The following ST8SIA1 variants were observed in gnomAD, a reference collection of about 807,000 sequenced individuals.
ST8SIA1 encodes the protein ST8 alpha-N-acetyl-neuraminide alpha-2,8-sialyltransferase 1, also known as alpha-N-acetylneuraminide alpha-2,8-sialyltransferase.
A neutral mutation model predicts 35.9 loss-of-function variants in ST8SIA1; 16 were observed. The ratio of observed to expected loss-of-function variants is 0.45; its 90% CI spans 0.30 to 0.68. The LOEUF (loss-of-function observed/expected upper bound fraction) is 0.68, where lower values mean the gene tolerates loss of function less well. ST8SIA1 is among the 30% of genes least tolerant of loss of function. The probability of loss-of-function intolerance (pLI) is 0.09; values close to 1 mark genes in which losing one functional copy is unlikely to be tolerated. For missense variants in ST8SIA1, 383 were observed against 453.6 expected, an observed-to-expected ratio of 0.84 and a Z score of 1.41; for synonymous variants, 170 against 169.6, an observed-to-expected ratio of 1.00 and a Z score of -0.02.
chr12:22,311,043 C>T (rs533796495), intron 1 of ST8SIA1, among the ~76,000 whole-genome samples: 30 of 152,210 alleles, frequency 2.0e-4, no homozygotes, highest in African/African-American at 7.0e-4. Flanking sequence ...CAATAAATCC[C>T]ATGTGCTCAA....
intron 2 of ST8SIA1, among the ~76,000 whole-genome samples, chr12:22,262,869 A>G (rs531127238): frequency 1.3e-5 from 2 of 152,226 alleles, no homozygotes; most frequent in Non-Finnish European, 2.9e-5. Context: ...GTTCTTTAAA[A>G]CCACTAAAGG....
chr12:22,262,075 G>A (rs1045536156), intron 2 of ST8SIA1, among the ~76,000 whole-genome samples: 4 of 152,148 alleles, frequency 2.6e-5, no homozygotes, highest in Non-Finnish European at 4.4e-5. Context: ...GCATATGAAA[G>A]TAGTTGAGAT....
intron 2 of ST8SIA1, among the ~76,000 whole-genome samples, chr12:22,278,355 T>C (rs1016441470): frequency 2.6e-5 from 4 of 152,206 alleles, no homozygotes; most frequent in Non-Finnish European, 4.4e-5. Context: ...ACAATCTCCA[T>C]GTCAGGCATC....
chr12:22,305,714 G>C (rs1266416039), intron 1 of ST8SIA1, among the ~76,000 whole-genome samples: 1 of 152,090 alleles, frequency 6.6e-6, no homozygotes, highest in Admixed American at 6.6e-5. Context: ...TATTGACCAA[G>C]CAATCTCATA....
At chr12:22,300,346 T>A (rs189464626) in intron 1 of ST8SIA1, among the ~76,000 whole-genome samples, 74 of 152,226 alleles carry the variant, frequency 4.9e-4, no homozygotes, top group Non-Finnish European at 7.6e-4. Context: ...GAGGTGGGTA[T>A]GTGAGATTGT....
intron 2 of ST8SIA1, among the ~76,000 whole-genome samples, chr12:22,277,520 C>T (rs957540312): frequency 7.2e-5 from 11 of 151,940 alleles, no homozygotes; most frequent in African/African-American, 2.7e-4. Flanking sequence ...GTGCCTGCCA[C>T]TACGCCCAGC....
At chr12:22,207,439 G>C (rs1464123338) in intron 4 of ST8SIA1, among the ~76,000 whole-genome samples, 1 of 152,092 alleles carries the variant, frequency 6.6e-6, no homozygotes, top group East Asian at 1.9e-4. Context: ...GAAATTTTAA[G>C]AACTGTAATT....
intron 4 of ST8SIA1, among the ~76,000 whole-genome samples, chr12:22,226,515 T>C (rs931621579): frequency 3.9e-5 from 6 of 152,124 alleles, no homozygotes; most frequent in Admixed American, 6.5e-5. Flanking sequence ...TTTTTTTTTT[T>C]CCTTATTGGG....
At position 22,197,188 on chromosome 12, in the gene ST8SIA1, T is replaced by A. The variant is rs1238196708; in HGVS notation, c.*4364A>T. The A allele has an allele frequency of 6.6e-6, 1 of 152,038 alleles. No individual in the cohort carries two copies. The highest frequency in any genetic ancestry group is 2.4e-5 in the African/African-American group (1 of 41,376). The allele number at this position is 152,038 out of a possible 1,614,324, so 9.4% of individuals were successfully genotyped here. A position where few individuals can be genotyped will look rare whatever the true frequency, so the allele number is the denominator to read the frequency against. ...CAATAAAAGTCATATAACCTGAGAG[T>A]CGACCTATACGACGGGAAGATAAAG... On this transcript the variant is annotated 3_prime_UTR_variant, in exon 5 of 5. Transcript: ENST00000396037.
intron 2 of ST8SIA1, among the ~76,000 whole-genome samples, chr12:22,280,831 A>G (rs917180736): frequency 2.0e-5 from 3 of 152,214 alleles, no homozygotes; most frequent in Admixed American, 6.5e-5. Context: ...TCAGTTACAC[A>G]GCAATTTGAA....
At chr12:22,228,424 AT>A (rs1270562769) in intron 4 of ST8SIA1, among the ~76,000 whole-genome samples, 4 of 152,098 alleles carry the variant, frequency 2.6e-5, no homozygotes, top group Non-Finnish European at 5.9e-5. Context: ...TCTCTTGTAG[AT>A]TTTTTTGTCT....
intron 4 of ST8SIA1, among the ~76,000 whole-genome samples, chr12:22,213,402 A>G (rs750972527): frequency 1.3e-5 from 2 of 152,224 alleles, no homozygotes; most frequent in South Asian, 4.1e-4. Flanking sequence ...TACAAATGCA[A>G]GCTTTTAAAA....
At chr12:22,250,439 T>C (rs1299297003) in intron 3 of ST8SIA1, among the ~76,000 whole-genome samples, 1 of 152,236 alleles carries the variant, frequency 6.6e-6, no homozygotes, top group Non-Finnish European at 1.5e-5. Flanking sequence ...TTATTATCTA[T>C]GAAAATGCCA....
chr12:22,246,455 TC>T (rs10718948), intron 4 of ST8SIA1, among the ~76,000 whole-genome samples: 4,962 of 152,316 alleles, frequency 0.033, 94 homozygotes, highest in African/African-American at 0.041. Flanking sequence ...TCGATCTCAT[TC>T]CGTAGCGTAC....
At chr12:22,272,050 T>C (rs1400728044) in intron 2 of ST8SIA1, among the ~76,000 whole-genome samples, 3 of 152,222 alleles carry the variant, frequency 2.0e-5, no homozygotes, top group African/African-American at 4.8e-5. Flanking sequence ...TACCACTGAA[T>C]GCTTATTTTC....
chr12:22,295,485 C>T (rs1172347351), intron 1 of ST8SIA1, among the ~76,000 whole-genome samples: 1 of 152,144 alleles, frequency 6.6e-6, no homozygotes, highest in Non-Finnish European at 1.5e-5. Context: ...GTAATCCCAG[C>T]ACTTTAGGAA....
intron 4 of ST8SIA1, among the ~76,000 whole-genome samples, chr12:22,233,824 A>G (rs1414674965): frequency 6.6e-6 from 1 of 152,134 alleles, no homozygotes; most frequent in Non-Finnish European, 1.5e-5. Flanking sequence ...TATGTGCCTC[A>G]TGGTTGTGCA....
At chr12:22,320,949 GAA>G (rs1416650640) in intron 1 of ST8SIA1, among the ~76,000 whole-genome samples, 2,591 of 72,990 alleles carry the variant, frequency 0.035, 95 homozygotes, top group African/African-American at 0.1. Flanking sequence ...AAGAAAGAAA[GAA>G]AGAAAGAGAA....
At chr12:22,211,130 A>G (rs1865171213) in intron 4 of ST8SIA1, among the ~76,000 whole-genome samples, 2 of 152,198 alleles carry the variant, frequency 1.3e-5, no homozygotes, top group African/African-American at 4.8e-5. Context: ...TCCTTTTAAT[A>G]TTACAAAGGA....
Sources: allele counts gnomAD v4.1 joint callset (sites outside exome capture counted in the v4.1 genomes callset), GRCh38; gene constraint gnomAD v4.1.1; transcripts MANE v1.5; gene names NCBI Gene and HGNC (gene_info 2026-07-23, HGNC 2026-07-21).